Variants in HTRA1 observed in about 807,000 individuals in gnomAD.
HTRA1 encodes serine protease HTRA1.
Under a neutral mutation model 49.7 loss-of-function variants are expected in HTRA1, and 26 were observed. That is an observed-to-expected ratio of 0.52 (90% confidence interval 0.38 to 0.73). The LOEUF (loss-of-function observed/expected upper bound fraction) is 0.73, where lower values mean the gene tolerates loss of function less well. HTRA1 is among the 30% of genes least tolerant of loss of function. The pLI is 0.00. For synonymous variants in HTRA1, 291 were observed against 286.9 expected (o/e 1.01, Z -0.14); for missense variants, 561 against 667.2 (o/e 0.84, Z 1.75).
At position 122,514,791 on chromosome 10, in the gene HTRA1, C is replaced by T. The variant is rs535840991; in HGVS notation, c.*432C>T. 1.7e-5 allele frequency: 4 copies of T among 228,856 alleles called. No individual in the cohort carries two copies. Among genetic ancestry groups the T allele is most frequent in the Non-Finnish European group, 2.6e-5 (3 of 114,442 alleles). 14.2% of individuals were successfully genotyped at this position (228,856 alleles called of 1,614,324 possible). ...ACCCAAAGGTCAATGCACAGAGACC[C>T]CGGGTGGGTGAGCGCTGGCTTCTCA... On this transcript the variant is annotated 3_prime_UTR_variant, in exon 9 of 9. Transcript: ENST00000368984.
chr10:122,509,202 G>A (rs1345843330), intron 6 of HTRA1, among the ~76,000 whole-genome samples: 4 of 152,204 alleles, frequency 2.6e-5, no homozygotes, highest in African/African-American at 7.2e-5. Context: ...CTCAACTGGG[G>A]CCTGGGGCTC....
At chr10:122,509,901 C>T (rs1180642343) in intron 6 of HTRA1, among the ~76,000 whole-genome samples, 195 bp from the exon 7 acceptor site, 2 of 152,096 alleles carry the variant, frequency 1.3e-5, no homozygotes, top group African/African-American at 4.8e-5. Context: ...AGGTACCTGA[C>T]CATTAATTGA....
chr10:122,479,380 C>T (rs1356241016), intron 1 of HTRA1, among the ~76,000 whole-genome samples: 1 of 152,128 alleles, frequency 6.6e-6, no homozygotes, highest in Non-Finnish European at 1.5e-5. Context: ...CTTAGGGCAA[C>T]ATGATTTAAT....
In HTRA1 at chr10:122,510,115, G is replaced by C. The variant is rs2097504930; in HGVS notation, c.1140G>C (p.Lys380Asn). The part of the protein sequence containing the change: ...RQAKGKAITK[K>N]KYIGIRMMSL... ...CACCAGGAAAAGCCATCACCAAGAAGAAGTATATTGGTATCCGAATGATGT... is the reference window on the plus strand; with the variant it reads ...CACCAGGAAAAGCCATCACCAAGAACAAGTATATTGGTATCCGAATGATGT... The change falls in exon 7 of 9, where the codon AAG becomes AAC. Residue 380 changes from lysine (K) to asparagine (N), a missense_variant. Physicochemically the swap from Lys to Asn is moderately conservative, Grantham distance 94. Transcript: ENST00000368984. 1.2e-6 allele frequency: 2 copies of C among 1,613,938 alleles called. No individual in the cohort carries two copies. Among genetic ancestry groups the C allele is most frequent in the African/African-American group, 2.7e-5 (2 of 74,924 alleles).
Position 122,506,507 on chromosome 10 carries a change from G to C in HTRA1, c.778-184G>C, listed in dbSNP as rs1332064160. 6.6e-6 allele frequency among the ~76,000 whole-genome samples: 1 copy of C among 152,062 alleles called. No homozygotes were observed. The highest frequency in any genetic ancestry group is 1.5e-5 in the Non-Finnish European group (1 of 68,024). On this transcript the variant is annotated intron_variant, in intron 3 of 8. Coordinates refer to ENST00000368984, the MANE Select transcript of HTRA1 (RefSeq NM_002775.5). The surrounding 1 kb of genome is among the most constrained non-coding windows in gnomAD (Gnocchi z 5.2). ...GCACGGCTTGCAATGTGTGGATTACGGGTGGGAGGGAAATCCAGTCCTGCC... is the reference window on the plus strand; with the variant it reads ...GCACGGCTTGCAATGTGTGGATTACCGGTGGGAGGGAAATCCAGTCCTGCC...
chr10:122,474,778 G>A (rs543729749), intron 1 of HTRA1, among the ~76,000 whole-genome samples: 1 of 152,242 alleles, frequency 6.6e-6, no homozygotes, highest in African/African-American at 2.4e-5. Flanking sequence ...ATGTGCAGTG[G>A]AATTGATTGG....
intron 1 of HTRA1, among the ~76,000 whole-genome samples, chr10:122,466,314 C>A (rs944396050): frequency 6.6e-6 from 1 of 152,122 alleles, no homozygotes; most frequent in Non-Finnish European, 1.5e-5. Flanking sequence ...TACAGGCACC[C>A]GCCACCACGC....
At chr10:122,486,444 CT>C (rs1382233529) in intron 1 of HTRA1, among the ~76,000 whole-genome samples, 1 of 152,164 alleles carries the variant, frequency 6.6e-6, no homozygotes, top group Non-Finnish European at 1.5e-5. Flanking sequence ...TGATTCCAAT[CT>C]TTAAATAAAG....
At chr10:122,505,677 G>A (rs28637696) in intron 3 of HTRA1, among the ~76,000 whole-genome samples, 86,741 of 152,080 alleles carry the variant, frequency 0.57, 25,261 homozygotes, top group African/African-American at 0.68. Context: ...TGAGATAGAC[G>A]AATGTGAGGC....
At chr10:122,492,404 G>T (rs940262522) in intron 3 of HTRA1, among the ~76,000 whole-genome samples, 1 of 152,122 alleles carries the variant, frequency 6.6e-6, no homozygotes, top group Non-Finnish European at 1.5e-5. Context: ...CGCCATCTCC[G>T]CTCACTGCAA....
intron 1 of HTRA1, among the ~76,000 whole-genome samples, chr10:122,468,807 A>G (rs538811761): frequency 5.7e-4 from 87 of 152,312 alleles, no homozygotes; most frequent in African/African-American, 1.9e-3. Flanking sequence ...GGCAGTTTAT[A>G]GAAGCCCTGG....
intron 3 of HTRA1, among the ~76,000 whole-genome samples, chr10:122,502,255 A>G (rs1402505270): frequency 6.6e-6 from 1 of 152,074 alleles, no homozygotes; most frequent in Non-Finnish European, 1.5e-5. Flanking sequence ...ATGGTTGTTG[A>G]GAGAGTTCTC....
chr10:122,470,359 C>T (rs2097485602), intron 1 of HTRA1, among the ~76,000 whole-genome samples: 2 of 152,114 alleles, frequency 1.3e-5, no homozygotes, highest in African/African-American at 4.8e-5. Flanking sequence ...CTGTGAAAGT[C>T]CAGTGGCATA....
chr10:122,494,995 G>A lies in HTRA1; in HGVS notation c.777+5369G>A, dbSNP rs2097497963. 1.3e-5 allele frequency among the ~76,000 whole-genome samples: 2 copies of A among 152,082 alleles called. No individual in the cohort carries two copies. The highest frequency in any genetic ancestry group is 6.5e-5 in the Admixed American group (1 of 15,270). The stretch of plus-strand genomic sequence containing the variant: ...GCCCCCCGGGACATGGCAGTGGCGG[G>A]GAGTGGACTGGGGTGGTGCTTGCCA... On this transcript the variant is annotated intron_variant, in intron 3 of 8. Coordinates refer to ENST00000368984, the MANE Select transcript of HTRA1 (RefSeq NM_002775.5). The surrounding 1 kb of genome is among the most constrained non-coding windows in gnomAD (Gnocchi z 4.0).
intron 7 of HTRA1, among the ~76,000 whole-genome samples, chr10:122,510,576 C>T (rs2097505146): frequency 2.0e-5 from 3 of 152,150 alleles, no homozygotes; most frequent in Admixed American, 2.0e-4. Context: ...GCTCGTGGGC[C>T]GCGGCTCCAG....
intron 1 of HTRA1, among the ~76,000 whole-genome samples, chr10:122,474,644 A>G (rs1591026847): frequency 6.6e-6 from 1 of 152,310 alleles, no homozygotes; most frequent in East Asian, 1.9e-4. Context: ...GAAGGTCAGG[A>G]CCAGAGCCAG....
intron 1 of HTRA1, among the ~76,000 whole-genome samples, chr10:122,475,913 G>A (rs568575128): frequency 3.5e-4 from 53 of 152,344 alleles, no homozygotes; most frequent in African/African-American, 1.3e-3. Flanking sequence ...TGGCTGACAA[G>A]TTTCCTTGGA....
At chr10:122,466,270 A>T (rs2097483732) in intron 1 of HTRA1, among the ~76,000 whole-genome samples, 6 of 151,980 alleles carry the variant, frequency 3.9e-5, no homozygotes, top group Admixed American at 3.9e-4. Flanking sequence ...GGTTCATGCC[A>T]TTCTCCTGCC....
At chr10:122,507,982 A>AGCTCTGGGGCCATTTATAGAGGGCG (rs2097503896) in intron 5 of HTRA1, among the ~76,000 whole-genome samples, 1 of 152,116 alleles carries the variant, frequency 6.6e-6, no homozygotes, top group Admixed American at 6.5e-5. Context: ...TATAGAGGGC[A>AGCTCTGGGGCCATTTATAGAGGGCG]GCTCTGGGGC....
Sources: allele counts gnomAD v4.1 joint callset (sites outside exome capture counted in the v4.1 genomes callset), GRCh38; gene constraint gnomAD v4.1.1; non-coding constraint Gnocchi (gnomAD v3.1); transcripts MANE v1.5; gene names NCBI Gene and HGNC (gene_info 2026-07-23, HGNC 2026-07-21).